The following RBFOX1 variants were observed in gnomAD, a reference collection of about 807,000 sequenced individuals.
The protein encoded by RBFOX1 is RNA binding protein fox-1 homolog 1.
RBFOX1 carries 8 observed loss-of-function variants against 57.7 expected under a neutral mutation model. That is an observed-to-expected ratio of 0.14 (90% CI 0.08 to 0.25). The LOEUF (loss-of-function observed/expected upper bound fraction) is 0.25. RBFOX1 is among the 10% of genes least tolerant of loss of function. The probability of loss-of-function intolerance (pLI) is 1.00; values close to 1 mark genes in which losing one functional copy is unlikely to be tolerated. For missense variants in RBFOX1, 611 were observed against 548.5 expected (o/e 1.11, Z -1.14); for synonymous variants, 326 against 222.4 (o/e 1.47, Z -4.15).
At chr16:7,356,389 A>G (rs949423115) in intron 4 of RBFOX1, among the ~76,000 whole-genome samples, 8 of 152,186 alleles carry the variant, frequency 5.3e-5, no homozygotes, top group African/African-American at 1.2e-4. Context: ...CTCTCTGAGC[A>G]TGCACACTAA....
At chr16:5,373,473 T>C (rs973222202) in intron 1 of RBFOX1, among the ~76,000 whole-genome samples, 1 of 152,134 alleles carries the variant, frequency 6.6e-6, no homozygotes, top group Non-Finnish European at 1.5e-5. Flanking sequence ...TCACTTTCTC[T>C]TCCTCCTCCT....
At position 5,956,165 on chromosome 16, in the gene RBFOX1, G is replaced by A. The variant is rs113368979; in HGVS notation, c.351+88830G>A. ...GTGGCGCGCACCTGTACCCTCAGCT[G>A]CTCCAGAGGGTGAGGCACGAGGATT... is the stretch of plus-strand genomic sequence containing the variant. On this transcript the variant is annotated intron_variant, in intron 4 of 19. Coordinates refer to the RBFOX1 transcript ENST00000641259. Among the ~76,000 whole-genome samples, 1,351 of 152,122 alleles carry A rather than the reference G, an allele frequency of 8.9e-3. 24 individuals are homozygous for A. The highest frequency in any genetic ancestry group is 0.03 in the African/African-American group (1,254 of 41,488).
At chr16:7,595,231 C>A (rs2094625915) in intron 7 of RBFOX1, among the ~76,000 whole-genome samples, 1 of 152,106 alleles carries the variant, frequency 6.6e-6, no homozygotes, top group African/African-American at 2.4e-5. Flanking sequence ...TCTGTGAAGA[C>A]ACTGTAAATT....
At chr16:6,841,909 C>A (rs369840953) in intron 3 of RBFOX1, among the ~76,000 whole-genome samples, 1 of 151,498 alleles carries the variant, frequency 6.6e-6, no homozygotes, top group Non-Finnish European at 1.5e-5. Context: ...GAGGTCGAGG[C>A]GGGTGGATCA....
chr16:5,264,982 C>T (rs2062823332), intron 1 of RBFOX1, among the ~76,000 whole-genome samples: 4 of 151,932 alleles, frequency 2.6e-5, no homozygotes, highest in Admixed American at 2.6e-4. Flanking sequence ...CCTATTCTGA[C>T]TGATCATGGT....
intron 4 of RBFOX1, among the ~76,000 whole-genome samples, chr16:6,011,524 T>C (rs948434562): frequency 2.6e-5 from 4 of 152,210 alleles, no homozygotes; most frequent in Admixed American, 2.6e-4. Flanking sequence ...TTTCCTTATC[T>C]GTAAAATGGG....
intron 1 of RBFOX1, among the ~76,000 whole-genome samples, chr16:6,265,631 G>GTT: frequency 6.6e-6 from 1 of 152,306 alleles, no homozygotes; most frequent in Admixed American, 6.5e-5. Flanking sequence ...TTAAATTAGT[G>GTT]TTTCTCAAGC....
intron 2 of RBFOX1, among the ~76,000 whole-genome samples, chr16:6,592,460 T>C (rs2097724747): frequency 1.3e-5 from 2 of 152,298 alleles, no homozygotes; most frequent in Non-Finnish European, 2.9e-5. Flanking sequence ...TGGCAAGAAT[T>C]GTGCAGTCCT....
intron 5 of RBFOX1, among the ~76,000 whole-genome samples, chr16:7,523,174 T>C (rs2077902068): frequency 6.6e-6 from 1 of 152,240 alleles, no homozygotes; most frequent in Admixed American, 6.5e-5. Flanking sequence ...TGTAGCTCCT[T>C]CCTTTTCATT....
intron 10 of RBFOX1, among the ~76,000 whole-genome samples, chr16:7,610,418 G>C (rs1454803799): frequency 2.6e-5 from 4 of 151,000 alleles, no homozygotes; most frequent in Non-Finnish European, 5.9e-5. Flanking sequence ...GATTCCAATC[G>C]ACTGTCTCCT....
chr16:6,119,338 A>G (rs763595799), intron 1 of RBFOX1, among the ~76,000 whole-genome samples: 20 of 152,216 alleles, frequency 1.3e-4, no homozygotes, highest in Non-Finnish European at 2.6e-4. Flanking sequence ...GGGATGCCAC[A>G]AAAGTGATGT....
intron 3 of RBFOX1, among the ~76,000 whole-genome samples, chr16:6,916,504 T>G (rs903836257): frequency 6.6e-6 from 1 of 152,012 alleles, no homozygotes. Context: ...TTTTTTTAAT[T>G]GTCATTCTAC....
chr16:5,344,267 C>T (rs964178393), intron 1 of RBFOX1, among the ~76,000 whole-genome samples: 17 of 152,326 alleles, frequency 1.1e-4, no homozygotes, highest in African/African-American at 3.8e-4. Flanking sequence ...AGCTCCCTCT[C>T]TCCTGCTAAA....
chr16:6,814,822 G>T (rs1465810103), intron 3 of RBFOX1, among the ~76,000 whole-genome samples: 30 of 152,110 alleles, frequency 2.0e-4, no homozygotes, highest in Non-Finnish European at 4.4e-5. Flanking sequence ...TGTCCTGTGA[G>T]TGTTTCTGGA....
chr16:6,536,023 G>A (rs2096730513), intron 2 of RBFOX1, among the ~76,000 whole-genome samples: 1 of 152,182 alleles, frequency 6.6e-6, no homozygotes, highest in South Asian at 2.1e-4. Flanking sequence ...AAATGGAGAT[G>A]TGTGATTCAT....
chr16:7,457,636 A>T (rs995888784), intron 4 of RBFOX1, among the ~76,000 whole-genome samples: 1 of 152,114 alleles, frequency 6.6e-6, no homozygotes, highest in Non-Finnish European at 1.5e-5. Context: ...GTTTTAAATC[A>T]CAGGTATCAA....
At chr16:6,791,821 A>G (rs1248081020) in intron 3 of RBFOX1, among the ~76,000 whole-genome samples, 3 of 152,140 alleles carry the variant, frequency 2.0e-5, no homozygotes, top group African/African-American at 7.2e-5. Context: ...GTACACAGTC[A>G]TACCTCCAGG....
intron 4 of RBFOX1, among the ~76,000 whole-genome samples, chr16:7,452,984 C>G (rs1474835509): frequency 6.6e-6 from 1 of 151,894 alleles, no homozygotes. Context: ...CAAAAATTAG[C>G]AGGGCATGGT....
At chr16:6,253,566 A>G (rs1392412361) in intron 1 of RBFOX1, among the ~76,000 whole-genome samples, 1 of 151,990 alleles carries the variant, frequency 6.6e-6, no homozygotes, top group Admixed American at 6.6e-5. Context: ...TTGTTTTCCA[A>G]TCAAAGCTTG....
Sources: allele counts gnomAD v4.1 joint callset (sites outside exome capture counted in the v4.1 genomes callset), GRCh38; gene constraint gnomAD v4.1.1; transcripts MANE v1.5; gene names NCBI Gene and HGNC (gene_info 2026-07-23, HGNC 2026-07-21).